The following FRMD4A variants were observed in gnomAD, a reference collection of about 807,000 sequenced individuals.
The protein encoded by FRMD4A is FERM domain containing 4A.
FRMD4A carries 29 observed loss-of-function variants against 129.1 expected under a neutral mutation model. The observed-to-expected ratio is 0.22, with a 90% CI of 0.17 to 0.31. FRMD4A has a LOEUF of 0.31. FRMD4A is among the 10% of genes least tolerant of loss of function. The probability of loss-of-function intolerance (pLI) is 1.00; values close to 1 mark genes in which losing one functional copy is unlikely to be tolerated. For synonymous variants in FRMD4A, 634 were observed against 571.6 expected, an observed-to-expected ratio of 1.11 and a Z score of -1.56; for missense variants, 1,272 against 1,375.8, an observed-to-expected ratio of 0.92 and a Z score of 1.19.
intron 2 of FRMD4A, among the ~76,000 whole-genome samples, chr10:14,219,007 G>C (rs558467257): frequency 1.6e-4 from 23 of 143,656 alleles, no homozygotes; most frequent in Admixed American, 2.7e-4. Context: ...ATGTGTTTTA[G>C]CTATACACTT....
chr10:13,835,560 G>A (rs1164112717), intron 3 of FRMD4A, among the ~76,000 whole-genome samples: 2 of 152,034 alleles, frequency 1.3e-5, no homozygotes, highest in East Asian at 3.9e-4. Flanking sequence ...TCAGATCAGT[G>A]GTGGCATTAG....
intron 2 of FRMD4A, among the ~76,000 whole-genome samples, chr10:13,865,377 T>G (rs2094351451): frequency 6.6e-6 from 1 of 152,030 alleles, no homozygotes; most frequent in Non-Finnish European, 1.5e-5. Flanking sequence ...GTAGATACTA[T>G]CAGGCTTACT....
At chr10:14,279,871 C>G (rs1845462013) in intron 2 of FRMD4A, among the ~76,000 whole-genome samples, 1 of 152,184 alleles carries the variant, frequency 6.6e-6, no homozygotes, top group Non-Finnish European at 1.5e-5. Flanking sequence ...CTAACTCAAG[C>G]CTATGGTCAT....
intron 2 of FRMD4A, among the ~76,000 whole-genome samples, chr10:13,923,364 G>A (rs72774639): frequency 0.1 from 15,836 of 152,204 alleles, 1,114 homozygotes; most frequent in Non-Finnish European, 0.13. Flanking sequence ...CTCCATACAA[G>A]TGTTCCTGAG....
intron 2 of FRMD4A, among the ~76,000 whole-genome samples, chr10:14,081,717 C>G: frequency 6.6e-6 from 1 of 152,252 alleles, no homozygotes; most frequent in African/African-American, 2.4e-5. Flanking sequence ...TTGTTTTGAT[C>G]CCTGCTGCCC....
At chr10:13,727,994 C>T (rs960191393) in intron 12 of FRMD4A, 1 of 152,204 alleles carries the variant, frequency 6.6e-6, no homozygotes, top group African/African-American at 2.4e-5. Context: ...CTCTCTTGTT[C>T]TGCAGAGCCA....
intron 2 of FRMD4A, among the ~76,000 whole-genome samples, chr10:13,914,749 G>C (rs1427128969): frequency 1.3e-5 from 2 of 152,094 alleles, no homozygotes; most frequent in Non-Finnish European, 2.9e-5. Context: ...ACAGCAACCT[G>C]AATAGGAGGC....
intron 2 of FRMD4A, among the ~76,000 whole-genome samples, chr10:14,140,652 T>C (rs1839789067): frequency 6.6e-6 from 1 of 152,186 alleles, no homozygotes; most frequent in African/African-American, 2.4e-5. Flanking sequence ...TCTGAAATGT[T>C]GGTGGCTCCA....
chr10:13,659,312 G>C lies in FRMD4A; in HGVS notation c.2066+11C>G. 1 of 1,612,524 alleles carries C rather than the reference G, an allele frequency of 6.2e-7. No homozygotes were observed. The highest frequency in any genetic ancestry group is 8.5e-7 in the Non-Finnish European group (1 of 1,178,480). On this transcript the variant is annotated intron_variant, in intron 21 of 24. Transcript: ENST00000357447. The stretch of plus-strand genomic sequence containing the variant: ...AGGCTTGGTCTGAGCAGGAAGGCCA[G>C]GCAGACTCACCTCGTGGAATGGACG...
intron 3 of FRMD4A, among the ~76,000 whole-genome samples, chr10:13,811,565 C>G (rs1021973451): frequency 8.9e-6 from 1 of 112,584 alleles, no homozygotes; most frequent in African/African-American, 3.4e-5. Context: ...GAGTGAGACT[C>G]TGCCTCAAAA....
intron 2 of FRMD4A, among the ~76,000 whole-genome samples, chr10:13,865,718 G>A (rs992887885): frequency 6.6e-5 from 10 of 152,036 alleles, no homozygotes; most frequent in Admixed American, 5.2e-4. Context: ...TTACAAGCAT[G>A]AGCCACCGTG....
At chr10:13,855,157 C>G (rs573324796) in intron 3 of FRMD4A, among the ~76,000 whole-genome samples, 1 of 152,136 alleles carries the variant, frequency 6.6e-6, no homozygotes, top group South Asian at 2.1e-4. Flanking sequence ...GGATGACAGG[C>G]ATTTTTTCTC....
intron 2 of FRMD4A, among the ~76,000 whole-genome samples, chr10:14,264,586 T>C (rs1028716188): frequency 6.6e-6 from 1 of 152,220 alleles, no homozygotes; most frequent in Non-Finnish European, 1.5e-5. Flanking sequence ...AAAAATAATA[T>C]GGATGCACGT....
intron 2 of FRMD4A, among the ~76,000 whole-genome samples, chr10:14,123,695 A>C (rs1838665456): frequency 6.6e-6 from 1 of 152,238 alleles, no homozygotes; most frequent in Non-Finnish European, 1.5e-5. Flanking sequence ...GCCTTCAAGA[A>C]TCCTGATGTG....
chr10:14,134,575 G>GGTGGGTGGATGGATGGGTAT (rs1564327241), intron 2 of FRMD4A, among the ~76,000 whole-genome samples: 1 of 151,644 alleles, frequency 6.6e-6, no homozygotes, highest in Non-Finnish European at 1.5e-5. Context: ...TGGATGGGTA[G>GGTGGGTGGATGGATGGGTAT]GTGGGTAGAT....
intron 15 of FRMD4A, among the ~76,000 whole-genome samples, chr10:13,689,654 G>A (rs1222422675): frequency 6.7e-6 from 1 of 149,962 alleles, no homozygotes; most frequent in Non-Finnish European, 1.5e-5. Context: ...CTGGGCTCAC[G>A]TGATCCTCCA....
Position 13,997,687 on chromosome 10 carries a change from A to C in FRMD4A, c.46-138775T>G, listed in dbSNP as rs143231578. On this transcript the variant is annotated intron_variant, in intron 2 of 24. Coordinates refer to ENST00000357447, the MANE Select transcript of FRMD4A (RefSeq NM_018027.5). ...ACCCAGGCTGGATTGCAGTGATGTA[A>C]TCTTGGCTCACTGCAGCCTCGACCT... Among the ~76,000 whole-genome samples, 267 of 148,310 alleles carry C rather than the reference A, an allele frequency of 1.8e-3. 1 individual carries two copies. The highest frequency in any genetic ancestry group is 3.6e-3 in the Middle Eastern group (1 of 280).
Position 14,076,625 on chromosome 10 carries a change from G to A in FRMD4A, c.46-217713C>T, listed in dbSNP as rs554856830. On this transcript the variant is annotated intron_variant, in intron 2 of 24. Transcript: ENST00000357447. ...ACTGCACTCCAGCCTGGGCGACAGA[G>A]CGAGACTCCGTCTCAAAAAAAAAAA... Among the ~76,000 whole-genome samples, 53 of 151,900 alleles carry A rather than the reference G, an allele frequency of 3.5e-4. No homozygotes were observed. The East Asian group carries it at 9.7e-3, about 28-fold the overall frequency.
At chr10:14,290,953 T>C (rs1845833251) in intron 2 of FRMD4A, among the ~76,000 whole-genome samples, 1 of 152,086 alleles carries the variant, frequency 6.6e-6, no homozygotes, top group Non-Finnish European at 1.5e-5. Flanking sequence ...TTTACCCCAG[T>C]GTAATTACTG....
Sources: gnomAD v4.1 joint callset for allele counts (sites outside exome capture counted in the v4.1 genomes callset) on GRCh38, gnomAD v4.1.1 for gene constraint, MANE v1.5 for transcripts, NCBI Gene and HGNC (gene_info 2026-07-23, HGNC 2026-07-21) for gene names.